CHEK1: variants seen among roughly 807,000 people sequenced by gnomAD.
CHEK1 encodes the protein checkpoint kinase 1, also known as serine/threonine-protein kinase Chk1.
CHEK1 carries 32 observed loss-of-function variants against 60.2 expected under a neutral mutation model. The ratio of observed to expected loss-of-function variants is 0.53; its 90% confidence interval spans 0.40 to 0.71. The LOEUF (loss-of-function observed/expected upper bound fraction) is 0.71. CHEK1 is among the 30% of genes least tolerant of loss of function. The pLI is 0.00. For missense variants in CHEK1, 399 were observed against 564.6 expected (o/e 0.71, Z 2.97); for synonymous variants, 179 against 187.2 (o/e 0.96, Z 0.36).
downstream of CHEK1, among the ~76,000 whole-genome samples, chr11:125,679,212 C>CTTTTTTTTTTTTTTTTTTTT (rs1337479067): frequency 1.3e-5 from 1 of 74,460 alleles, no homozygotes; most frequent in African/African-American, 4.6e-5. Flanking sequence ...TAATCCGTCT[C>CTTTTTTTTTTTTTTTTTTTT]TTTCTTTTTT....
intron 7 of CHEK1, chr11:125,636,148 A>T (rs1423823135): frequency 6.6e-6 from 1 of 152,110 alleles, no homozygotes; most frequent in Non-Finnish European, 1.5e-5. Context: ...AACATCATTA[A>T]TGTGGCCCAT....
At chr11:125,662,373 A>G (rs1480778479) in intron 13 of CHEK1, among the ~76,000 whole-genome samples, 1 of 152,172 alleles carries the variant, frequency 6.6e-6, no homozygotes, top group African/African-American at 2.4e-5. Context: ...CCATAACCTA[A>G]TCACTTCCCA....
intron 12 of CHEK1, among the ~76,000 whole-genome samples, chr11:125,654,736 CTT>C (rs1941854020): frequency 1.3e-5 from 2 of 152,274 alleles, no homozygotes; most frequent in South Asian, 4.1e-4. Flanking sequence ...CCGCAGTACT[CTT>C]TGTATTAGAG....
At chr11:125,635,921 T>G (rs1717719798) in intron 7 of CHEK1, 1 of 157,626 alleles carries the variant, frequency 6.3e-6, no homozygotes, top group African/African-American at 2.4e-5. Flanking sequence ...TATATTTACA[T>G]AAATCTAGAT....
At chr11:125,677,133 A>G (rs1942548533), downstream of CHEK1, among the ~76,000 whole-genome samples, 1 of 152,216 alleles carries the variant, frequency 6.6e-6, no homozygotes, top group South Asian at 2.1e-4. Context: ...GTGACATTGG[A>G]CATATTACAT....
intron 13 of CHEK1, among the ~76,000 whole-genome samples, chr11:125,662,907 C>T (rs1243195403): frequency 6.6e-6 from 1 of 151,944 alleles, no homozygotes; most frequent in Admixed American, 6.6e-5. Flanking sequence ...TTGTTTTAGC[C>T]ATTCTGATAG....
chr11:125,660,933 G>A (rs764962675), downstream of CHEK1, among the ~76,000 whole-genome samples: 1 of 151,832 alleles, frequency 6.6e-6, no homozygotes, highest in Non-Finnish European at 1.5e-5. Context: ...GCGCCACTAC[G>A]CCTGGCTAAT....
chr11:125,658,001 T>A (rs1941950407), downstream of CHEK1, among the ~76,000 whole-genome samples: 1 of 152,228 alleles, frequency 6.6e-6, no homozygotes, highest in African/African-American at 2.4e-5. Flanking sequence ...ACAGAATGTA[T>A]TTCTAGTATT....
At chr11:125,665,204 TG>T (rs1404628249) in intron 13 of CHEK1, among the ~76,000 whole-genome samples, 1 of 151,168 alleles carries the variant, frequency 6.6e-6, no homozygotes, top group African/African-American at 2.4e-5. Flanking sequence ...TGAAGTCAGG[TG>T]GTATGATGTC....
chr11:125,671,480 G>A (rs1942201644), intron 13 of CHEK1: 2 of 152,236 alleles, frequency 1.3e-5, no homozygotes, highest in South Asian at 4.1e-4. Flanking sequence ...TACCATTATT[G>A]CCAGTGAAGA....
downstream of CHEK1, among the ~76,000 whole-genome samples, chr11:125,660,049 C>CGT (rs1488781417): frequency 2.0e-5 from 3 of 152,038 alleles, no homozygotes; most frequent in East Asian, 5.8e-4. Context: ...GAATAATTTT[C>CGT]GTGTGCGTGT....
downstream of CHEK1, among the ~76,000 whole-genome samples, chr11:125,658,830 C>T (rs1031009017): frequency 6.6e-6 from 1 of 151,720 alleles, no homozygotes; most frequent in African/African-American, 2.4e-5. Context: ...GGGACTATAG[C>T]CATGCACCAC....
chr11:125,638,897 T>G (rs1941176256), intron 8 of CHEK1, among the ~76,000 whole-genome samples: 1 of 152,164 alleles, frequency 6.6e-6, no homozygotes, highest in South Asian at 2.1e-4. Flanking sequence ...AGTGATGTTG[T>G]CTTTGAACAC....
At chr11:125,639,059 A>C (rs192600719) in intron 8 of CHEK1, among the ~76,000 whole-genome samples, 1 of 152,012 alleles carries the variant, frequency 6.6e-6, no homozygotes, top group Non-Finnish European at 1.5e-5. Context: ...ATCTTTACCT[A>C]TCTTAAATCT....
At chr11:125,672,567 G>C (rs1565392405) in intron 13 of CHEK1, 1 of 1,612,212 alleles carries the variant, frequency 6.2e-7, no homozygotes, top group East Asian at 2.2e-5. Context: ...TACTGCCTGA[G>C]TCAAAACAAG....
chr11:125,625,814 A>T lies in CHEK1; in HGVS notation c.-219A>T, dbSNP rs1372882814. 1 of 702,400 alleles carries T rather than the reference A, an allele frequency of 1.4e-6. No individual in the cohort carries two copies. The highest frequency in any genetic ancestry group is 2.6e-6 in the Non-Finnish European group (1 of 384,800). 43.5% of individuals were successfully genotyped at this position (702,400 alleles called of 1,614,324 possible). On this transcript the variant is annotated 5_prime_UTR_variant, in exon 1 of 13. The change creates a new upstream start codon in the 5' untranslated region. Coordinates refer to ENST00000438015, the MANE Select transcript of CHEK1 (RefSeq NM_001114122.3). ...AGCCAGGATCTCTCCCCGACTGCAA[A>T]GCAGCCCTGGGCGGGAGCGGCAACA...
chr11:125,649,551 C>T lies in CHEK1; in HGVS notation c.1234-4195C>T, dbSNP rs3731468. ...CCAGCCTGGCCAACATGGTGAAACC[C>T]CATCTCTACTAAAAATATTTTAAAA... On this transcript the variant is annotated intron_variant, in intron 11 of 12. Transcript: ENST00000438015. Among the ~76,000 whole-genome samples the T allele has an allele frequency of 6.5e-3, 995 of 152,088 alleles. 13 individuals are homozygous for T. Among genetic ancestry groups the T allele is most frequent in the African/African-American group, 0.022 (919 of 41,476 alleles).
chr11:125,633,367 T>A lies in CHEK1; in HGVS notation c.613+16T>A. 6.6e-7 allele frequency: 1 copy of A among 1,516,744 alleles called. No homozygotes were observed. Among genetic ancestry groups the A allele is most frequent in the Non-Finnish European group, 8.8e-7 (1 of 1,138,244 alleles). The allele number at this position is 1,516,744 out of a possible 1,614,324, so 94.0% of individuals were successfully genotyped here. On this transcript the variant is annotated intron_variant, in intron 6 of 12. Transcript: ENST00000438015. ...CTCGCTGGAGGTAAGAGCTATTTAA[T>A]CATGGTAAAACTCCTATAAAAAGTC...
chr11:125,625,669 C>T lies in CHEK1; in HGVS notation c.-364C>T. ...TCGCGCGCCCCTGAGGCTTGGAGGC[C>T]TGGGCTTCCCCCAGCAGCGCTCGAG... is the stretch of plus-strand genomic sequence containing the variant. On this transcript the variant is annotated 5_prime_UTR_variant, in exon 1 of 13. Transcript: ENST00000438015. The T allele has an allele frequency of 1.6e-6, 1 of 609,300 alleles. No individual in the cohort carries two copies. Among genetic ancestry groups the T allele is most frequent in the South Asian group, 1.9e-5 (1 of 53,598 alleles). 37.7% of individuals were successfully genotyped at this position (609,300 alleles called of 1,614,324 possible).
Sources: gnomAD v4.1 joint callset for allele counts (sites outside exome capture counted in the v4.1 genomes callset) on GRCh38, gnomAD v4.1.1 for gene constraint, MANE v1.5 for transcripts, NCBI Gene and HGNC (gene_info 2026-07-23, HGNC 2026-07-21) for gene names.